The following PLSCR4 variants were observed in gnomAD, a reference collection of about 807,000 sequenced individuals.
PLSCR4 encodes phospholipid scramblase 4.
In PLSCR4, 25 loss-of-function variants were observed where a neutral mutation model predicts 36.3. The ratio of observed to expected loss-of-function variants is 0.69; its 90% CI spans 0.50 to 0.96. The LOEUF is 0.96. Among genes scored for constraint, PLSCR4 ranks in the 40% least tolerant of loss-of-function variants. The pLI is 0.00. For synonymous variants in PLSCR4, 122 were observed against 132.9 expected, an observed-to-expected ratio of 0.92 and a Z score of 0.56; for missense variants, 408 against 414.7, an observed-to-expected ratio of 0.98 and a Z score of 0.14.
intron 1 of PLSCR4, among the ~76,000 whole-genome samples, chr3:146,228,697 T>G (rs2035578106): frequency 6.9e-6 from 1 of 143,960 alleles, no homozygotes; most frequent in Non-Finnish European, 1.5e-5. Flanking sequence ...TAAAAGAATA[T>G]AGTGTTCATT....
intron 3 of PLSCR4, among the ~76,000 whole-genome samples, chr3:146,207,116 A>G (rs2034377584): frequency 6.6e-6 from 1 of 152,264 alleles, no homozygotes; most frequent in Non-Finnish European, 1.5e-5. Context: ...ATTAATTACT[A>G]ACGTATTAAT....
intron 1 of PLSCR4, among the ~76,000 whole-genome samples, chr3:146,249,024 C>T (rs1193655205): frequency 2.0e-5 from 3 of 152,024 alleles, no homozygotes; most frequent in Non-Finnish European, 4.4e-5. Context: ...TTTGAGTTGA[C>T]TCTTTTTATC....
chr3:146,227,030 G>A (rs1164272352), intron 1 of PLSCR4, among the ~76,000 whole-genome samples: 1 of 152,156 alleles, frequency 6.6e-6, no homozygotes, highest in Non-Finnish European at 1.5e-5. Flanking sequence ...TATTGTGCAA[G>A]GCAGGATAAT....
intron 6 of PLSCR4, among the ~76,000 whole-genome samples, chr3:146,198,194 T>A (rs1026851604): frequency 1.3e-5 from 2 of 152,078 alleles, no homozygotes; most frequent in Admixed American, 1.3e-4. Flanking sequence ...GGGAGGAATG[T>A]GGATATGGTA....
chr3:146,211,620 C>T (rs889196899), intron 3 of PLSCR4, among the ~76,000 whole-genome samples: 4 of 152,022 alleles, frequency 2.6e-5, no homozygotes, highest in African/African-American at 9.7e-5. Flanking sequence ...AAACTATTGC[C>T]TAATCCAAGG....
intron 1 of PLSCR4, among the ~76,000 whole-genome samples, chr3:146,249,395 T>C (rs1559933121): frequency 6.6e-6 from 1 of 152,116 alleles, no homozygotes. Flanking sequence ...GTACATTCAA[T>C]TAAATGTTAT....
At chr3:146,195,304 T>G (rs978432354) in intron 7 of PLSCR4, 22 bp from the exon 8 acceptor site, 1 of 1,596,780 alleles carries the variant, frequency 6.3e-7, no homozygotes, top group Admixed American at 1.7e-5. Context: ...AGAATGTGCC[T>G]TTATGATGAT....
chr3:146,192,956 T>C lies in PLSCR4; in HGVS notation c.*1455A>G, dbSNP rs1358156521. 2 of 152,042 alleles carry C rather than the reference T, an allele frequency of 1.3e-5. No homozygotes were observed. The highest frequency in any genetic ancestry group is 2.9e-5 in the Non-Finnish European group (2 of 67,992). The allele number at this position is 152,042 out of a possible 1,614,324, so 9.4% of individuals were successfully genotyped here. Reference sequence around the variant, plus strand: ...CAAAAAGAACTGTAGGCTAAGACCCTCATCTCAGAATAACCCCATCTAAGA... The same window carrying C: ...CAAAAAGAACTGTAGGCTAAGACCCCCATCTCAGAATAACCCCATCTAAGA... On this transcript the variant is annotated 3_prime_UTR_variant, in exon 9 of 9. Transcript: ENST00000354952.
chr3:146,225,495 G>C (rs6792604), intron 1 of PLSCR4, among the ~76,000 whole-genome samples: 3 of 151,890 alleles, frequency 2.0e-5, no homozygotes, highest in African/African-American at 7.3e-5. Context: ...GGTGCTCGTC[G>C]GGGAGGCTCG....
chr3:146,233,918 AG>A, intron 1 of PLSCR4, among the ~76,000 whole-genome samples: 1 of 152,128 alleles, frequency 6.6e-6, no homozygotes, highest in Non-Finnish European at 1.5e-5. Context: ...ATGGGAAAGT[AG>A]GCTGTTCTGC....
chr3:146,221,007 G>A (rs1015543430), intron 2 of PLSCR4, 82 bp from the exon 3 acceptor site: 2 of 750,908 alleles, frequency 2.7e-6, no homozygotes, highest in Non-Finnish European at 4.3e-6. Flanking sequence ...TTTCTTATGG[G>A]AATGCATCAA....
intron 1 of PLSCR4, among the ~76,000 whole-genome samples, chr3:146,234,333 T>A (rs987037951): frequency 6.6e-6 from 1 of 152,164 alleles, no homozygotes; most frequent in Non-Finnish European, 1.5e-5. Flanking sequence ...TGAGCATCCC[T>A]AAAGCTCAAA....
At chr3:146,227,895 G>A (rs2035543584) in intron 1 of PLSCR4, among the ~76,000 whole-genome samples, 1 of 152,210 alleles carries the variant, frequency 6.6e-6, no homozygotes, top group Non-Finnish European at 1.5e-5. Flanking sequence ...TTATGTAACT[G>A]ATAGGAGATT....
At chr3:146,201,793 A>G (rs868856230) in intron 4 of PLSCR4, among the ~76,000 whole-genome samples, 2 of 152,076 alleles carry the variant, frequency 1.3e-5, no homozygotes, top group Middle Eastern at 3.2e-3. Context: ...TATCTTAGGA[A>G]TCATTCTAAA....
intron 1 of PLSCR4, among the ~76,000 whole-genome samples, chr3:146,232,609 A>C (rs2035756791): frequency 6.6e-6 from 1 of 152,112 alleles, no homozygotes; most frequent in African/African-American, 2.4e-5. Flanking sequence ...GCTATTGTGA[A>C]TGGTATTGCA....
At chr3:146,225,128 C>A (rs538913276) in intron 1 of PLSCR4, among the ~76,000 whole-genome samples, 1 of 151,714 alleles carries the variant, frequency 6.6e-6, no homozygotes, top group Non-Finnish European at 1.5e-5. Context: ...TACAGAGTGT[C>A]CATTGGTGCA....
intron 1 of PLSCR4, among the ~76,000 whole-genome samples, chr3:146,225,077 T>C (rs1484937668): frequency 6.6e-6 from 1 of 151,832 alleles, no homozygotes; most frequent in African/African-American, 2.4e-5. Context: ...ATCCCTGAGA[T>C]AGACATAAAG....
In PLSCR4 at chr3:146,206,574, C is replaced by A. The variant is rs1398054046; in HGVS notation, c.306G>T (p.Gly102=). ...GAGGGCAGTTTGCCATAGGAGTTGG[C>A]CCTGGCATCCATGTTATTGGAACAG... is the stretch of plus-strand genomic sequence containing the variant. ...NQSVPITWMP[G]PTPMANCPPG... The change falls in exon 4 of 9, where the codon GGG becomes GGT. Residue 102 remains glycine, a synonymous_variant. Coordinates refer to ENST00000354952, the MANE Select transcript of PLSCR4 (RefSeq NM_020353.3). 4.3e-6 allele frequency: 7 copies of A among 1,613,446 alleles called. No individual in the cohort carries two copies. The highest frequency in any genetic ancestry group is 5.9e-6 in the Non-Finnish European group (7 of 1,179,628).
intron 1 of PLSCR4, among the ~76,000 whole-genome samples, chr3:146,245,189 G>GA (rs1225794691): frequency 1.3e-5 from 2 of 151,976 alleles, no homozygotes; most frequent in African/African-American, 4.8e-5. Context: ...GATAAGGAAA[G>GA]AAAATGGAAG....
Sources: allele counts gnomAD v4.1 joint callset (sites outside exome capture counted in the v4.1 genomes callset), GRCh38; gene constraint gnomAD v4.1.1; transcripts MANE v1.5; gene names NCBI Gene and HGNC (gene_info 2026-07-23, HGNC 2026-07-21).